The following GPHN variants were observed in gnomAD, a reference collection of about 807,000 sequenced individuals.
The protein encoded by GPHN is gephyrin.
Under a neutral mutation model 95.5 loss-of-function variants are expected in GPHN, and 17 were observed. The ratio of observed to expected loss-of-function variants is 0.18; its 90% CI spans 0.12 to 0.27. The LOEUF (loss-of-function observed/expected upper bound fraction) is 0.27. GPHN is among the 10% of genes least tolerant of loss of function. The probability of loss-of-function intolerance (pLI) is 1.00; values close to 1 mark genes in which losing one functional copy is unlikely to be tolerated. For synonymous variants in GPHN, 320 were observed against 322.5 expected (o/e 0.99, Z 0.08); for missense variants, 660 against 978.1 (o/e 0.67, Z 4.34).
At chr14:67,582,017 T>C in the GPHN span, 21 of 1,562,740 alleles carry the variant, frequency 1.3e-5, no homozygotes, top group Non-Finnish European at 1.8e-5. The surrounding 1 kb of genome is among the most constrained non-coding windows in gnomAD (Gnocchi z 5.0). Context: ...GAAAGCCCCA[T>C]CCCTGTTTGG....
At chr14:67,650,969 A>G in the GPHN span, 27 of 1,551,220 alleles carry the variant, frequency 1.7e-5, no homozygotes, top group Non-Finnish European at 2.1e-5. Context: ...CAGAATTATG[A>G]GGCATTGAGG....
chr14:67,601,275 A>T, the GPHN span, among the ~76,000 whole-genome samples: 8 of 152,190 alleles, frequency 5.3e-5, no homozygotes, highest in Non-Finnish European at 1.2e-4. Flanking sequence ...AACCCCTCGA[A>T]GTTGGAACAA....
the GPHN span, among the ~76,000 whole-genome samples, chr14:67,308,593 T>C: frequency 1.3e-5 from 2 of 149,826 alleles, no homozygotes; most frequent in Non-Finnish European, 3.0e-5. Context: ...TTGTCCAGGC[T>C]GGAGTGCAAT....
At chr14:66,582,044 G>C (rs2061201678) in intron 1 of GPHN, among the ~76,000 whole-genome samples, 1 of 151,998 alleles carries the variant, frequency 6.6e-6, no homozygotes. Flanking sequence ...GACGTATATA[G>C]AGCATTTCAG....
At chr14:67,604,834 A>G in the GPHN span, among the ~76,000 whole-genome samples, 3 of 152,136 alleles carry the variant, frequency 2.0e-5, no homozygotes, top group Admixed American at 1.3e-4. Flanking sequence ...GTTAAGGGTC[A>G]TTTTGTTTCC....
chr14:67,473,565 T>C, the GPHN span: 1 of 1,613,212 alleles, frequency 6.2e-7, no homozygotes, highest in Non-Finnish European at 8.5e-7. The surrounding 1 kb of genome is among the most constrained non-coding windows in gnomAD (Gnocchi z 6.5). Flanking sequence ...GGGCACGGCG[T>C]ACTCCAGGGT....
chr14:66,740,012 C>A (rs1026074427), intron 2 of GPHN, among the ~76,000 whole-genome samples: 4 of 151,892 alleles, frequency 2.6e-5, no homozygotes, highest in Admixed American at 1.3e-4. Flanking sequence ...AGAACAGATA[C>A]AATTGAAGAG....
At chr14:67,626,680 G>A in the GPHN span, among the ~76,000 whole-genome samples, 20 of 152,184 alleles carry the variant, frequency 1.3e-4, no homozygotes, top group African/African-American at 4.1e-4. Context: ...GGTTGGTCTC[G>A]AACTCCTAGC....
At chr14:66,996,298 C>T (rs1594765592) in intron 9 of GPHN, 2 of 964,506 alleles carry the variant, frequency 2.1e-6, no homozygotes, top group East Asian at 2.6e-5. Flanking sequence ...TTCCTTTCGC[C>T]TTAATTTATT....
At chr14:67,207,521 A>AT in the GPHN span, among the ~76,000 whole-genome samples, 1 of 151,938 alleles carries the variant, frequency 6.6e-6, no homozygotes, top group Non-Finnish European at 1.5e-5. Flanking sequence ...TCAACATGAG[A>AT]TTTTCAAGTG....
At chr14:67,153,470 C>G (rs2081401128) in intron 18 of GPHN, among the ~76,000 whole-genome samples, 1 of 152,154 alleles carries the variant, frequency 6.6e-6, no homozygotes, top group African/African-American at 2.4e-5. Flanking sequence ...CTGGCCTCTT[C>G]TTATAATGGC....
At chr14:66,999,805 G>A (rs1023992442) in intron 9 of GPHN, among the ~76,000 whole-genome samples, 3 of 151,640 alleles carry the variant, frequency 2.0e-5, no homozygotes, top group African/African-American at 7.3e-5. Flanking sequence ...ACTTTCTTCT[G>A]ACAGAAACTG....
chr14:67,724,420 A>G, the GPHN span: 2 of 929,352 alleles, frequency 2.2e-6, no homozygotes, highest in Non-Finnish European at 3.4e-6. Context: ...AACGTATCTT[A>G]GTGTGAGCTC....
the GPHN span, among the ~76,000 whole-genome samples, chr14:67,522,188 A>T: frequency 6.6e-6 from 1 of 152,168 alleles, no homozygotes; most frequent in African/African-American, 2.4e-5. Context: ...AAAACAAAAA[A>T]AGAAAAAAAG....
the GPHN span, chr14:67,724,388 T>G: frequency 5.6e-6 from 5 of 889,214 alleles, no homozygotes; most frequent in Non-Finnish European, 6.9e-6. Context: ...TGAGGCTGGA[T>G]AGAGTTTTTT....
intron 13 of GPHN, among the ~76,000 whole-genome samples, chr14:67,103,450 T>A (rs560026014): frequency 1.3e-5 from 2 of 151,786 alleles, no homozygotes; most frequent in Non-Finnish European, 2.9e-5. Context: ...TTTTTCGTAG[T>A]ATGGTCATTT....
chr14:67,345,833 A>G, the GPHN span: 3 of 1,614,104 alleles, frequency 1.9e-6, no homozygotes, highest in Non-Finnish European at 2.5e-6. Flanking sequence ...AATTTAGCCA[A>G]CTGTTCCCCA....
intron 9 of GPHN, among the ~76,000 whole-genome samples, chr14:66,980,674 G>C (rs1293161367): frequency 1.3e-5 from 2 of 151,984 alleles, no homozygotes; most frequent in African/African-American, 4.8e-5. Flanking sequence ...AGAACTTTAA[G>C]ATCAAAATTA....
chr14:66,800,092 T>C (rs2060291528), intron 3 of GPHN, among the ~76,000 whole-genome samples: 1 of 152,064 alleles, frequency 6.6e-6, no homozygotes, highest in Non-Finnish European at 1.5e-5. Context: ...CTAATAAAAG[T>C]CTACACTTTA....
Sources: allele counts gnomAD v4.1 joint callset (sites outside exome capture counted in the v4.1 genomes callset), GRCh38; gene constraint gnomAD v4.1.1; non-coding constraint Gnocchi (gnomAD v3.1); transcripts MANE v1.5; gene names NCBI Gene and HGNC (gene_info 2026-07-23, HGNC 2026-07-21).